NARF: variants seen among roughly 807,000 people sequenced by gnomAD.
NARF encodes iron-only hydrogenase-like protein 2.
A neutral mutation model predicts 48.0 loss-of-function variants in NARF; 41 were observed. The ratio of observed to expected loss-of-function variants is 0.85; its 90% confidence interval spans 0.66 to 1.11. The LOEUF (loss-of-function observed/expected upper bound fraction) is 1.11. Among genes scored for constraint, NARF ranks in the 50% least tolerant of loss-of-function variants. The pLI is 0.00. For synonymous variants in NARF, 215 were observed against 225.5 expected (o/e 0.95, Z 0.42); for missense variants, 613 against 590.2 (o/e 1.04, Z -0.40).
chr17:82,477,301 C>A (rs1174103072), intron 5 of NARF, among the ~76,000 whole-genome samples: 1 of 151,794 alleles, frequency 6.6e-6, no homozygotes, highest in Non-Finnish European at 1.5e-5. Flanking sequence ...GTCAAGAGTT[C>A]GAGACCAGCC....
At chr17:82,471,770 C>G (rs1277947699) in intron 4 of NARF, among the ~76,000 whole-genome samples, 1 of 99,068 alleles carries the variant, frequency 1.0e-5, no homozygotes, top group Non-Finnish European at 2.0e-5. Context: ...CCAGCTTGCG[C>G]GAAAGAGTGA....
intron 1 of NARF, among the ~76,000 whole-genome samples, chr17:82,459,615 A>C (rs1452196933): frequency 2.0e-5 from 3 of 152,250 alleles, no homozygotes. Flanking sequence ...CTGTTATCCC[A>C]GCACCTTGGG....
At chr17:82,475,128 G>A (rs1211519228) in intron 5 of NARF, among the ~76,000 whole-genome samples, 1 of 152,146 alleles carries the variant, frequency 6.6e-6, no homozygotes, top group Non-Finnish European at 1.5e-5. Context: ...GCCTGAGCCT[G>A]CCTCTGTGGT....
rs1447197080 is a variant in NARF at position 82,487,941 on chromosome 17, C to T, written c.1155C>T (p.Ala385=). Residue 385 remains alanine (A), a synonymous_variant, in exon 11 of 11, where the codon GCC becomes GCT. Transcript: ENST00000309794. ...AGGCLNGRGQ[A]QTPDGHADKA... The stretch of plus-strand genomic sequence containing the variant: ...GATGCTTAAATGGCAGAGGCCAAGC[C>T]CAGACTCCAGACGGACATGCGGATA... The T allele has an allele frequency of 1.9e-6, 3 of 1,614,044 alleles. No homozygotes were observed. The highest frequency in any genetic ancestry group is 1.7e-6 in the Non-Finnish European group (2 of 1,180,040).
rs2044060460 is a variant in NARF at position 82,484,894 on chromosome 17, T to C, written c.915T>C (p.His305=). 1.9e-6 allele frequency: 3 copies of C among 1,613,482 alleles called. No individual in the cohort carries two copies. The highest frequency in any genetic ancestry group is 2.5e-6 in the Non-Finnish European group (3 of 1,179,702). Residue 305 remains histidine, a synonymous_variant, in exon 9 of 11, where the codon CAT becomes CAC. Transcript: ENST00000309794. ...SDGHLAHIFR[H]AAKELFNEDV... ...GGCACCTGGCACACATCTTCAGACA[T>C]GCGGCCAAGGAGCTGTTCAACGAGG...
At position 82,468,825 on chromosome 17, in the gene NARF, A is replaced by G. The variant is rs1402941275; in HGVS notation, c.314A>G (p.Tyr105Cys). 1.2e-6 allele frequency: 2 copies of G among 1,613,922 alleles called. No homozygotes were observed. Among genetic ancestry groups the G allele is most frequent in the Non-Finnish European group, 1.7e-6 (2 of 1,179,974 alleles). Residue 105 changes from tyrosine to cysteine, a missense_variant, in exon 4 of 11, where the codon TAT becomes TGT. Transcript: ENST00000309794. Reference protein sequence around the residue: ...VVSVCPQSLPYFAAKFNLSVT... With the variant: ...VVSVCPQSLPCFAAKFNLSVT... ...TCTGTGTGTCCTCAATCTTTGCCTT[A>G]TTTTGCTGCTAAATTCAACCTCAGT... is the stretch of plus-strand genomic sequence containing the variant.
chr17:82,465,503 A>G (rs151008146), intron 3 of NARF, among the ~76,000 whole-genome samples: 13 of 152,310 alleles, frequency 8.5e-5, no homozygotes, highest in African/African-American at 2.9e-4. Flanking sequence ...CATAGGGGAC[A>G]GCCAAGGAGC....
At chr17:82,458,460 G>A (rs1055643126), upstream of NARF, 6 of 283,692 alleles carry the variant, frequency 2.1e-5, no homozygotes, top group Admixed American at 1.6e-4. Flanking sequence ...GCCGCCGCAG[G>A]ACCCACGAGA....
chr17:82,461,226 T>C (rs2043428714), intron 2 of NARF, among the ~76,000 whole-genome samples: 1 of 152,056 alleles, frequency 6.6e-6, no homozygotes, highest in African/African-American at 2.4e-5. Flanking sequence ...ACCTGGCCTC[T>C]CTTCTAATTC....
intron 2 of NARF, chr17:82,463,319 G>A (rs1462678105): frequency 2.0e-5 from 3 of 152,174 alleles, no homozygotes; most frequent in Non-Finnish European, 4.4e-5. Flanking sequence ...GAAGTGCTGA[G>A]GAACAAGAGA....
intron 7 of NARF, chr17:82,481,662 A>G: frequency 2.7e-6 from 1 of 373,830 alleles, no homozygotes; most frequent in Admixed American, 3.7e-5. Flanking sequence ...CCCGGGAGGC[A>G]GAGGTTGCAG....
intron 5 of NARF, among the ~76,000 whole-genome samples, chr17:82,475,428 G>A (rs1323690874): frequency 5.9e-5 from 9 of 152,218 alleles, no homozygotes; most frequent in Middle Eastern, 3.4e-3. Context: ...GTGAAACCCC[G>A]TCTCTACTAA....
intron 5 of NARF, among the ~76,000 whole-genome samples, chr17:82,476,385 G>A (rs1347085143): frequency 1.3e-5 from 2 of 151,976 alleles, no homozygotes; most frequent in South Asian, 2.1e-4. Flanking sequence ...CAGGTGATCC[G>A]CCTGCCTCGG....
chr17:82,458,990 G>T, intron 1 of NARF, 160 bp downstream of exon 1: 1 of 1,213,454 alleles, frequency 8.2e-7, no homozygotes. Context: ...GAGGCGGCCG[G>T]CGCGGGGTCC....
At position 82,485,660 on chromosome 17, in the gene NARF, G is replaced by A. The variant is rs750466752; in HGVS notation, c.1129+6G>A. On this transcript the variant is annotated splice_donor_region_variant and intron_variant, in intron 10 of 10. Coordinates refer to ENST00000309794, the MANE Select transcript of NARF (RefSeq NM_012336.4). Reference sequence around the variant, plus strand: ...GGTCCTCGCCTGTGCTGGAGGTGAGGCGCCAAGAGCAGCACCTGGCTCTGT... The same window carrying A: ...GGTCCTCGCCTGTGCTGGAGGTGAGACGCCAAGAGCAGCACCTGGCTCTGT... 1 of 1,613,618 alleles carries A rather than the reference G, an allele frequency of 6.2e-7. No individual in the cohort carries two copies. Among genetic ancestry groups the A allele is most frequent in the African/African-American group, 1.3e-5 (1 of 74,912 alleles).
At chr17:82,465,571 T>G (rs1490012800) in intron 3 of NARF, among the ~76,000 whole-genome samples, 11 of 152,032 alleles carry the variant, frequency 7.2e-5, no homozygotes, top group Non-Finnish European at 1.0e-4. Flanking sequence ...CAGCAGCAAT[T>G]AGATCACAAT....
intron 10 of NARF, among the ~76,000 whole-genome samples, 191 bp from the exon 11 acceptor site, chr17:82,487,723 TTG>T (rs1322481623): frequency 2.0e-5 from 3 of 152,178 alleles, no homozygotes; most frequent in Non-Finnish European, 4.4e-5. Flanking sequence ...CGAAGTAGGA[TTG>T]CCGCTTGAAG....
chr17:82,473,004 G>A (rs955278133), intron 5 of NARF, among the ~76,000 whole-genome samples: 1 of 151,418 alleles, frequency 6.6e-6, no homozygotes, highest in African/African-American at 2.4e-5. Flanking sequence ...GCAGTGGCAC[G>A]ATCTCGGCTC....
At chr17:82,459,946 G>A (rs764679850) in intron 1 of NARF, 46 bp from the exon 2 acceptor site, 3 of 1,417,570 alleles carry the variant, frequency 2.1e-6, no homozygotes, top group Non-Finnish European at 3.0e-6. Context: ...TTTCTTAAGG[G>A]AGACGAAGTA....
Sources: allele counts gnomAD v4.1 joint callset (sites outside exome capture counted in the v4.1 genomes callset), GRCh38; gene constraint gnomAD v4.1.1; transcripts MANE v1.5; gene names NCBI Gene and HGNC (gene_info 2026-07-23, HGNC 2026-07-21).